The following RAPGEF4 variants were observed in gnomAD, a reference collection of about 807,000 sequenced individuals.
The protein encoded by RAPGEF4 is Rap guanine nucleotide exchange factor 4, also known as RAP guanine-nucleotide-exchange factor (GEF) 4.
In RAPGEF4, 66 loss-of-function variants were observed where a neutral mutation model predicts 147.9. That is an observed-to-expected ratio of 0.45 (90% CI 0.37 to 0.55). RAPGEF4 has a LOEUF of 0.55. RAPGEF4 is among the 20% of genes least tolerant of loss of function. RAPGEF4 has a pLI of 0.00. For missense variants in RAPGEF4, 1,071 were observed against 1,257.3 expected, an observed-to-expected ratio of 0.85 and a Z score of 2.24; for synonymous variants, 419 against 442.7, an observed-to-expected ratio of 0.95 and a Z score of 0.67.
intron 29 of RAPGEF4, among the ~76,000 whole-genome samples, chr2:173,044,308 C>T (rs1409996493): frequency 6.6e-6 from 1 of 152,054 alleles, no homozygotes; most frequent in Non-Finnish European, 1.5e-5. Context: ...TATGCAAATG[C>T]ATTATAATTC....
intron 6 of RAPGEF4, among the ~76,000 whole-genome samples, chr2:172,952,186 A>T (rs2676505): frequency 0.058 from 8,833 of 151,916 alleles, 381 homozygotes; most frequent in South Asian, 0.12. Flanking sequence ...ATTTTTTTTT[A>T]AATTAGAGAT....
intron 1 of RAPGEF4, among the ~76,000 whole-genome samples, chr2:172,761,103 C>CTT (rs57509750): frequency 2.8e-3 from 394 of 139,546 alleles, no homozygotes; most frequent in Non-Finnish European, 3.4e-3. Context: ...ATTTTTCTTT[C>CTT]TTTTTTTTTT....
chr2:172,912,825 A>G (rs903672451), intron 4 of RAPGEF4, among the ~76,000 whole-genome samples: 6 of 151,448 alleles, frequency 4.0e-5, no homozygotes, highest in African/African-American at 7.3e-5. Flanking sequence ...GTTTTGCTCA[A>G]CTTTCCACCA....
intron 23 of RAPGEF4, among the ~76,000 whole-genome samples, chr2:173,022,744 C>T (rs1411084929): frequency 1.3e-5 from 2 of 152,168 alleles, no homozygotes; most frequent in Admixed American, 1.3e-4. Context: ...TCTTAGTGTT[C>T]AATGTTAGCC....
At chr2:172,861,369 T>A (rs1694030160) in intron 4 of RAPGEF4, among the ~76,000 whole-genome samples, 1 of 152,232 alleles carries the variant, frequency 6.6e-6, no homozygotes, top group Non-Finnish European at 1.5e-5. Context: ...ACATGTTATT[T>A]CAAAACAAGC....
chr2:172,875,441 G>C (rs2149828152), intron 4 of RAPGEF4, among the ~76,000 whole-genome samples: 1 of 152,210 alleles, frequency 6.6e-6, no homozygotes, highest in East Asian at 1.9e-4. Context: ...GTAAGGAAGG[G>C]ATCCAGTTTC....
At chr2:172,822,510 C>T (rs1409654800) in intron 4 of RAPGEF4, among the ~76,000 whole-genome samples, 1 of 152,164 alleles carries the variant, frequency 6.6e-6, no homozygotes, top group Non-Finnish European at 1.5e-5. Context: ...GCTCCCCAAG[C>T]AGTGATTTCA....
chr2:173,020,542 T>C (rs2105918623), intron 22 of RAPGEF4, 76 bp from the exon 23 acceptor site: 1 of 1,154,022 alleles, frequency 8.7e-7, no homozygotes, highest in Admixed American at 1.7e-5. Context: ...AGCTGGCAAT[T>C]TGTTGGTGTG....
At chr2:172,853,173 C>T (rs1489527704) in intron 4 of RAPGEF4, among the ~76,000 whole-genome samples, 1 of 151,776 alleles carries the variant, frequency 6.6e-6, no homozygotes, top group Non-Finnish European at 1.5e-5. Context: ...GGGGATTGTC[C>T]CATCCTCCTT....
chr2:172,773,648 C>CCTGCCCCACACTGCCCG (rs1683866222), intron 1 of RAPGEF4, among the ~76,000 whole-genome samples: 1 of 151,762 alleles, frequency 6.6e-6, no homozygotes, highest in South Asian at 2.1e-4. Context: ...CACACTGCCC[C>CCTGCCCCACACTGCCCG]CCCCGCGGAC....
intron 1 of RAPGEF4, among the ~76,000 whole-genome samples, chr2:172,792,109 T>A (rs1281954307): frequency 1.3e-5 from 2 of 152,226 alleles, no homozygotes; most frequent in Non-Finnish European, 2.9e-5. Context: ...AGTGCTTCTG[T>A]GGCCGCAACC....
intron 6 of RAPGEF4, among the ~76,000 whole-genome samples, chr2:172,959,441 C>T (rs1689065593): frequency 6.6e-6 from 1 of 152,168 alleles, no homozygotes; most frequent in African/African-American, 2.4e-5. Flanking sequence ...TGATGCTTAA[C>T]TTAATCATAT....
At chr2:172,963,375 A>G (rs937015908) in intron 8 of RAPGEF4, among the ~76,000 whole-genome samples, 17 of 152,236 alleles carry the variant, frequency 1.1e-4, no homozygotes, top group African/African-American at 3.9e-4. Flanking sequence ...AAATTCATTC[A>G]GGGGATCTCA....
chr2:172,788,250 A>G lies in RAPGEF4; in HGVS notation c.66-6775A>G, dbSNP rs544348970. Among the ~76,000 whole-genome samples, 6 of 152,366 alleles carry G rather than the reference A, an allele frequency of 3.9e-5. No homozygotes were observed. In the South Asian group the frequency reaches 6.2e-4, roughly 16 times the overall value. On this transcript the variant is annotated intron_variant, in intron 1 of 30. Transcript: ENST00000397081. ...CGGGGACTTAGGACACAACATTTAG[A>G]CCATAGCAGAAGGTCTCTCCAAGAA...
intron 1 of RAPGEF4, among the ~76,000 whole-genome samples, chr2:172,738,736 C>G (rs1368308694): frequency 6.6e-6 from 1 of 152,066 alleles, no homozygotes; most frequent in Non-Finnish European, 1.5e-5. Context: ...GATGCTGGGA[C>G]CTTTCAACTG....
In RAPGEF4 at chr2:172,815,681, A is replaced by G. The variant is rs560541918; in HGVS notation, c.444+1256A>G. Reference sequence around the variant, plus strand: ...GGAGTTTGGAAAACTGGTTTTCAGAACAAAAATGATTTCTAACTGTGATGT... The same window carrying G: ...GGAGTTTGGAAAACTGGTTTTCAGAGCAAAAATGATTTCTAACTGTGATGT... On this transcript the variant is annotated intron_variant, in intron 4 of 30. Coordinates refer to ENST00000397081, the MANE Select transcript of RAPGEF4 (RefSeq NM_007023.4). Among the ~76,000 whole-genome samples the G allele has an allele frequency of 7.2e-5, 11 of 152,332 alleles. No homozygotes were observed. In the South Asian group the frequency reaches 1.9e-3, roughly 26 times the overall value.
chr2:173,051,478 T>C (rs529452688), intron 30 of RAPGEF4, among the ~76,000 whole-genome samples, 162 bp from the exon 31 acceptor site: 13 of 152,006 alleles, frequency 8.6e-5, no homozygotes, highest in African/African-American at 2.9e-4. Context: ...AAGGAGGAGA[T>C]GGAACAACCA....
chr2:172,862,184 A>G (rs956404234), intron 4 of RAPGEF4, among the ~76,000 whole-genome samples: 9 of 152,248 alleles, frequency 5.9e-5, no homozygotes, highest in Non-Finnish European at 1.2e-4. Flanking sequence ...GAAAAATCCC[A>G]TAATAATATC....
chr2:172,815,053 C>A (rs766012868), intron 4 of RAPGEF4, among the ~76,000 whole-genome samples: 12 of 152,142 alleles, frequency 7.9e-5, no homozygotes, highest in Non-Finnish European at 1.6e-4. Flanking sequence ...ATCTTACATG[C>A]AGTCATGGCA....
Sources: allele counts gnomAD v4.1 joint callset (sites outside exome capture counted in the v4.1 genomes callset), GRCh38; gene constraint gnomAD v4.1.1; transcripts MANE v1.5; gene names NCBI Gene and HGNC (gene_info 2026-07-23, HGNC 2026-07-21).